The following ANXA10 variants were observed in gnomAD, a reference collection of about 807,000 sequenced individuals.
The protein encoded by ANXA10 is annexin A10.
A neutral mutation model predicts 53.5 loss-of-function variants in ANXA10; 49 were observed. The observed-to-expected ratio is 0.92, with a 90% CI of 0.73 to 1.16. The LOEUF is 1.16. Among genes scored for constraint, ANXA10 ranks in the 50% most tolerant of loss-of-function variants. ANXA10 has a pLI of 0.00. For synonymous variants in ANXA10, 131 were observed against 128.9 expected (o/e 1.02, Z -0.11); for missense variants, 393 against 394.4 (o/e 1.00, Z 0.03).
intron 9 of ANXA10, among the ~76,000 whole-genome samples, chr4:168,180,778 A>G (rs558120559): frequency 7.9e-5 from 12 of 152,322 alleles, no homozygotes; most frequent in African/African-American, 2.9e-4. Flanking sequence ...TACATTACCT[A>G]TTCATGTATT....
intron 3 of ANXA10, 114 bp from the exon 4 acceptor site, chr4:168,162,414 C>T (rs1035163667): frequency 6.8e-6 from 5 of 734,486 alleles, no homozygotes; most frequent in Non-Finnish European, 1.2e-5. Flanking sequence ...ACTTGTTATG[C>T]TGTTATTATT....
At chr4:168,154,023 T>C (rs565332957) in intron 3 of ANXA10, among the ~76,000 whole-genome samples, 6 of 150,130 alleles carry the variant, frequency 4.0e-5, no homozygotes, top group East Asian at 1.9e-4. Flanking sequence ...CGCGCGCGCG[T>C]GCCTCTGAGT....
At chr4:168,166,506 C>T (rs1731880845) in intron 6 of ANXA10, among the ~76,000 whole-genome samples, 1 of 151,990 alleles carries the variant, frequency 6.6e-6, no homozygotes, top group Non-Finnish European at 1.5e-5. Context: ...AACAAAGGCA[C>T]TCAGGAATGC....
At chr4:168,129,268 A>C (rs1034475116) in intron 2 of ANXA10, among the ~76,000 whole-genome samples, 2 of 152,196 alleles carry the variant, frequency 1.3e-5, no homozygotes, top group African/African-American at 4.8e-5. Context: ...TGACTTTAGG[A>C]GTTTGCAATG....
At position 168,165,238 on chromosome 4, in the gene ANXA10, CT is replaced by C; in HGVS notation, c.401-7del. 6.6e-7 allele frequency: 1 copy of C among 1,526,618 alleles called. No individual in the cohort carries two copies. Among genetic ancestry groups the C allele is most frequent in the South Asian group, 1.2e-5 (1 of 84,082 alleles). 94.6% of individuals were successfully genotyped at this position (1,526,618 alleles called of 1,614,324 possible). A position where few individuals can be genotyped will look rare whatever the true frequency, so the allele number is the denominator to read the frequency against. ...ATAAATCATACCTTTAACATGTTTT[CT>C]TATACAGAATACAGCAATAACCTCC... On this transcript the variant is annotated splice_polypyrimidine_tract_variant and splice_region_variant and intron_variant, in intron 5 of 11. Coordinates refer to ENST00000359299, the MANE Select transcript of ANXA10 (RefSeq NM_007193.5).
chr4:168,171,246 A>G (rs765669640), intron 6 of ANXA10, among the ~76,000 whole-genome samples: 2 of 152,164 alleles, frequency 1.3e-5, no homozygotes, highest in African/African-American at 2.4e-5. Flanking sequence ...CCTAGTGGGT[A>G]ACTGTGGGGC....
rs1731231549 is a variant in ANXA10, at chr4:168,136,010, A to T, written c.101-3476A>T. Among the ~76,000 whole-genome samples the T allele has an allele frequency of 2.0e-5, 3 of 152,262 alleles. No homozygotes were observed. The Middle Eastern group carries it at 0.01, about 518-fold the overall frequency. ...CAGAAGGCAAAGGGGAAGCAGGCAC[A>T]TCCTACATGGCCTTCCTACAAGGAG... is the stretch of plus-strand genomic sequence containing the variant. On this transcript the variant is annotated intron_variant, in intron 2 of 11. Transcript: ENST00000359299.
chr4:168,166,672 GTGTGTGTGTT>G (rs1731887163), intron 6 of ANXA10, among the ~76,000 whole-genome samples: 1 of 143,074 alleles, frequency 7.0e-6, no homozygotes, highest in Non-Finnish European at 1.6e-5. Context: ...GTGTGTGTGT[GTGTGTGTGTT>G]TGAAATGAAG....
chr4:168,147,669 T>C (rs530453913), intron 3 of ANXA10, among the ~76,000 whole-genome samples: 2 of 152,362 alleles, frequency 1.3e-5, no homozygotes, highest in African/African-American at 4.8e-5. Context: ...TCCTTCTCCA[T>C]TTCAAACCTT....
At chr4:168,145,638 C>A (rs898239247) in intron 3 of ANXA10, among the ~76,000 whole-genome samples, 1 of 152,192 alleles carries the variant, frequency 6.6e-6, no homozygotes, top group Non-Finnish European at 1.5e-5. Flanking sequence ...AAGAAAGAAG[C>A]ATCATGCTTA....
chr4:168,181,529 T>C (rs2149481729), intron 9 of ANXA10, among the ~76,000 whole-genome samples, 154 bp from the exon 10 acceptor site: 1 of 152,328 alleles, frequency 6.6e-6, no homozygotes, highest in African/African-American at 2.4e-5. Flanking sequence ...TATATTTTTT[T>C]CCTGTGGCTT....
intron 1 of ANXA10, among the ~76,000 whole-genome samples, chr4:168,112,411 A>G (rs1391683274): frequency 2.0e-5 from 3 of 152,232 alleles, no homozygotes; most frequent in Non-Finnish European, 4.4e-5. Context: ...GACTATATGT[A>G]AAGATGTGAA....
intron 3 of ANXA10, among the ~76,000 whole-genome samples, chr4:168,144,598 G>T (rs141784518): frequency 8.1e-4 from 123 of 152,262 alleles, no homozygotes; most frequent in African/African-American, 2.9e-3. Flanking sequence ...GGAATGGTCA[G>T]GTGCAAGAGG....
chr4:168,149,827 G>A (rs1378644816), intron 3 of ANXA10, among the ~76,000 whole-genome samples: 1 of 152,198 alleles, frequency 6.6e-6, no homozygotes, highest in East Asian at 1.9e-4. Context: ...AATGAGTGGT[G>A]AGCGTGAGCT....
intron 3 of ANXA10, among the ~76,000 whole-genome samples, chr4:168,156,293 T>TATAATG (rs1329459997): frequency 2.0e-5 from 1 of 50,518 alleles, no homozygotes; most frequent in Non-Finnish European, 3.6e-5. Context: ...ATATATTATA[T>TATAATG]TATATTATAT....
chr4:168,130,659 C>A (rs559072430), intron 2 of ANXA10, among the ~76,000 whole-genome samples: 180 of 151,748 alleles, frequency 1.2e-3, no homozygotes, highest in Admixed American at 3.0e-3. Flanking sequence ...AGATATGGGC[C>A]CATTCAGATT....
chr4:168,149,653 G>A (rs566733501), intron 3 of ANXA10, among the ~76,000 whole-genome samples: 1 of 152,166 alleles, frequency 6.6e-6, no homozygotes, highest in East Asian at 1.9e-4. Context: ...TGCTTCTTCT[G>A]TTCCATGAGA....
At chr4:168,109,382 C>A (rs1433232184) in intron 1 of ANXA10, among the ~76,000 whole-genome samples, 2 of 152,076 alleles carry the variant, frequency 1.3e-5, no homozygotes, top group East Asian at 1.9e-4. Context: ...TATCAAAATT[C>A]TCTTACTCCT....
intron 3 of ANXA10, among the ~76,000 whole-genome samples, chr4:168,144,837 T>C (rs1237293071): frequency 6.6e-6 from 1 of 152,200 alleles, no homozygotes; most frequent in Non-Finnish European, 1.5e-5. Flanking sequence ...GTTGGTATTG[T>C]AATCGCCCAG....
Sources: gnomAD v4.1 joint callset for allele counts (sites outside exome capture counted in the v4.1 genomes callset) on GRCh38, gnomAD v4.1.1 for gene constraint, MANE v1.5 for transcripts, NCBI Gene and HGNC (gene_info 2026-07-23, HGNC 2026-07-21) for gene names.